PDE3B: variants seen among roughly 807,000 people sequenced by gnomAD.
PDE3B encodes the protein phosphodiesterase 3B.
Under a neutral mutation model 116.8 loss-of-function variants are expected in PDE3B, and 66 were observed. The observed-to-expected ratio is 0.56, with a 90% CI of 0.46 to 0.69. The LOEUF (loss-of-function observed/expected upper bound fraction) is 0.69. Among genes scored for constraint, PDE3B ranks in the 30% least tolerant of loss-of-function variants. The pLI is 0.00. For missense variants in PDE3B, 1,384 were observed against 1,368.1 expected, an observed-to-expected ratio of 1.01 and a Z score of -0.18; for synonymous variants, 595 against 533.6, an observed-to-expected ratio of 1.12 and a Z score of -1.59.
intron 4 of PDE3B, among the ~76,000 whole-genome samples, chr11:14,790,050 C>A (rs1279586121): frequency 6.6e-6 from 1 of 151,882 alleles, no homozygotes; most frequent in Non-Finnish European, 1.5e-5. Flanking sequence ...TACTTTTGAG[C>A]TGTATAGTTT....
At chr11:14,673,187 G>A (rs1854424827) in intron 1 of PDE3B, among the ~76,000 whole-genome samples, 1 of 151,700 alleles carries the variant, frequency 6.6e-6, no homozygotes. Flanking sequence ...AAGCACAAAT[G>A]GATGAGTGTG....
chr11:14,854,771 A>G (rs369797711), intron 12 of PDE3B, among the ~76,000 whole-genome samples: 7 of 152,176 alleles, frequency 4.6e-5, no homozygotes, highest in African/African-American at 1.7e-4. Context: ...CACTTCAGCC[A>G]CCCAAAGTGC....
the PDE3B span, among the ~76,000 whole-genome samples, chr11:14,896,106 C>A: frequency 2.6e-5 from 4 of 152,310 alleles, no homozygotes; most frequent in Middle Eastern, 3.4e-3. Context: ...CTCAGCCAAC[C>A]AATCCTTGCC....
At chr11:14,739,730 G>C (rs775557372) in intron 1 of PDE3B, among the ~76,000 whole-genome samples, 1 of 152,118 alleles carries the variant, frequency 6.6e-6, no homozygotes, top group Non-Finnish European at 1.5e-5. Flanking sequence ...TATGATATTG[G>C]CTCTGGGTTT....
At position 14,834,996 on chromosome 11, in the gene PDE3B, C is replaced by T; in HGVS notation, c.2221C>T (p.His741Tyr). The change falls in exon 11 of 16, where the codon CAT becomes TAT. Residue 741 changes from histidine (H) to tyrosine (Y), a missense_variant. Transcript: ENST00000282096. The stretch of plus-strand genomic sequence containing the variant: ...GGTGACTTTAGATCACAATCGTATA[C>T]ATGCCACAGATGTGCTACATGCAGT... ...YRDIPYHNRI[H>Y]ATDVLHAVWY... The T allele has an allele frequency of 6.2e-7, 1 of 1,608,588 alleles. No individual in the cohort carries two copies. The highest frequency in any genetic ancestry group is 8.5e-7 in the Non-Finnish European group (1 of 1,176,476).
rs547047174 is a variant in PDE3B at position 14,847,661 on chromosome 11, C to T, written c.2520+3635C>T. On this transcript the variant is annotated intron_variant, in intron 12 of 15. Transcript: ENST00000282096. ...TAAAAAATGATAAAGGGGATATCAC[C>T]ACCGATCCCACAGAAATACAAACTG... is the stretch of plus-strand genomic sequence containing the variant. Among the ~76,000 whole-genome samples, 3 of 152,188 alleles carry T rather than the reference C, an allele frequency of 2.0e-5. No homozygotes were observed. The South Asian group carries it at 6.2e-4, about 32-fold the overall frequency.
At chr11:14,662,583 C>G (rs1163537166) in intron 1 of PDE3B, among the ~76,000 whole-genome samples, 1 of 152,060 alleles carries the variant, frequency 6.6e-6, no homozygotes, top group East Asian at 1.9e-4. Context: ...GAATGTATAA[C>G]TAGAATAACC....
rs145648965 is a variant in PDE3B, at chr11:14,823,278, C to G, written c.1807+4069C>G. Among the ~76,000 whole-genome samples, 746 of 152,232 alleles carry G rather than the reference C, an allele frequency of 4.9e-3. 6 individuals are homozygous for G. The highest frequency in any genetic ancestry group is 0.014 in the Middle Eastern group (4 of 294). ...GCTAGACTGCTTTTTCACATGGGTC[C>G]CAGATCTTATTTCTTTTCACTGGGC... is the stretch of plus-strand genomic sequence containing the variant. On this transcript the variant is annotated intron_variant, in intron 7 of 15. Transcript: ENST00000282096.
At chr11:14,763,257 G>T (rs141309118) in intron 1 of PDE3B, among the ~76,000 whole-genome samples, 2 of 152,064 alleles carry the variant, frequency 1.3e-5, no homozygotes, top group Non-Finnish European at 2.9e-5. Flanking sequence ...AAGAGTGTTA[G>T]ATTGTGTCAA....
At chr11:14,774,017 CTT>C (rs1281543201) in intron 2 of PDE3B, 2 of 151,430 alleles carry the variant, frequency 1.3e-5, no homozygotes, top group Non-Finnish European at 2.9e-5. Context: ...TTTCTGGCCT[CTT>C]TTGTGCTTCT....
At chr11:14,828,702 A>G (rs1239238871) in intron 7 of PDE3B, among the ~76,000 whole-genome samples, 1 of 152,156 alleles carries the variant, frequency 6.6e-6, no homozygotes, top group African/African-American at 2.4e-5. Context: ...ACACTTATAC[A>G]CTGTTGGTGG....
At chr11:14,649,932 C>G (rs964405847) in intron 1 of PDE3B, among the ~76,000 whole-genome samples, 1 of 152,142 alleles carries the variant, frequency 6.6e-6, no homozygotes. Flanking sequence ...GTGGGTGGTT[C>G]CTGACAGTTT....
chr11:14,847,547 C>T (rs1847637287), intron 12 of PDE3B, among the ~76,000 whole-genome samples: 1 of 151,578 alleles, frequency 6.6e-6, no homozygotes, highest in African/African-American at 2.4e-5. Context: ...TCAATGAATC[C>T]AGGAGCTGGT....
chr11:14,804,161 A>G lies in PDE3B; in HGVS notation c.1522+111A>G, dbSNP rs897700984. 6.3e-6 allele frequency: 4 copies of G among 632,372 alleles called. No homozygotes were observed. The African/African-American group carries it at 7.3e-5, about 12-fold the overall frequency. The allele number at this position is 632,372 out of a possible 1,614,324, so 39.2% of individuals were successfully genotyped here. ...AATTTTGAATACAATTTCATGTATT[A>G]TAAGTTAACATGACTTAGCAGTTTG... is the stretch of plus-strand genomic sequence containing the variant. On this transcript the variant is annotated intron_variant, in intron 5 of 15. Coordinates refer to ENST00000282096, the MANE Select transcript of PDE3B (RefSeq NM_000922.4).
At chr11:14,647,724 C>G (rs1565071543) in intron 1 of PDE3B, among the ~76,000 whole-genome samples, 1 of 151,800 alleles carries the variant, frequency 6.6e-6, no homozygotes, top group Admixed American at 6.6e-5. Context: ...TTTTATTAAC[C>G]TCTTTGAAAG....
the PDE3B span, among the ~76,000 whole-genome samples, chr11:14,879,705 G>A: frequency 9.9e-5 from 15 of 152,124 alleles, no homozygotes; most frequent in African/African-American, 3.1e-4. Flanking sequence ...TTATCTGGGC[G>A]TTCTATTGAA....
chr11:14,734,937 A>G (rs1475520809), intron 1 of PDE3B, among the ~76,000 whole-genome samples: 1 of 152,226 alleles, frequency 6.6e-6, no homozygotes, highest in Non-Finnish European at 1.5e-5. Flanking sequence ...TCCCCAAAAT[A>G]TCTTTTATAG....
At chr11:14,877,831 C>T in the PDE3B span, 1 of 333,614 alleles carries the variant, frequency 3.0e-6, no homozygotes, top group African/African-American at 2.1e-5. Context: ...TGGTACTAAA[C>T]AAGATGCTCA....
At chr11:14,697,342 C>G (rs1855236377) in intron 1 of PDE3B, among the ~76,000 whole-genome samples, 1 of 152,108 alleles carries the variant, frequency 6.6e-6, no homozygotes, top group African/African-American at 2.4e-5. Context: ...TTACAGTGCT[C>G]TAGCACCATT....
Sources: allele counts gnomAD v4.1 joint callset (sites outside exome capture counted in the v4.1 genomes callset), GRCh38; gene constraint gnomAD v4.1.1; transcripts MANE v1.5; gene names NCBI Gene and HGNC (gene_info 2026-07-23, HGNC 2026-07-21).